HCRTR1: variants seen among roughly 807,000 people sequenced by gnomAD.
HCRTR1 encodes orexin/Hypocretin receptor type 1.
A neutral mutation model predicts 40.6 loss-of-function variants in HCRTR1; 28 were observed. The observed-to-expected ratio is 0.69, with a 90% confidence interval of 0.51 to 0.95. The LOEUF (loss-of-function observed/expected upper bound fraction) is 0.95, where lower values mean the gene tolerates loss of function less well. Ranked by LOEUF, HCRTR1 falls within the 40% of genes least tolerant of loss-of-function variation. The pLI is 0.00. For synonymous variants in HCRTR1, 209 were observed against 230.0 expected (o/e 0.91, Z 0.83); for missense variants, 482 against 564.7 (o/e 0.85, Z 1.48).
rs1397750265 is a variant in HCRTR1, at chr1:31,625,633, G to T, written c.1087+515G>T. Among the ~76,000 whole-genome samples the T allele has an allele frequency of 3.9e-5, 6 of 152,108 alleles. No homozygotes were observed. Among genetic ancestry groups the T allele is most frequent in the African/African-American group, 7.2e-5 (3 of 41,404 alleles). On this transcript the variant is annotated intron_variant, in intron 8 of 8. Transcript: ENST00000403528. The surrounding 1 kb of genome is among the most constrained non-coding windows in gnomAD (Gnocchi z 4.2). Reference sequence around the variant, plus strand: ...ACTGGCAGAGTGACCGGAATCTCAGGGGTTGTCCCCTCTGGAAGTCTTCCT... The same window carrying T: ...ACTGGCAGAGTGACCGGAATCTCAGTGGTTGTCCCCTCTGGAAGTCTTCCT...
At chr1:31,632,693 G>A (rs1640143566), downstream of HCRTR1, 2 of 1,585,450 alleles carry the variant, frequency 1.3e-6, no homozygotes, top group South Asian at 1.1e-5. Flanking sequence ...AAGGCCAAGG[G>A]TCCCCCTCAG....
downstream of HCRTR1, chr1:31,630,727 G>T (rs1256547111): frequency 1.2e-6 from 2 of 1,614,014 alleles, no homozygotes; most frequent in Non-Finnish European, 1.7e-6. Flanking sequence ...GCAGCTGGGT[G>T]CACACCTGGA....
At chr1:31,621,879 AAT>A (rs1639865149) in intron 6 of HCRTR1, among the ~76,000 whole-genome samples, 1 of 152,164 alleles carries the variant, frequency 6.6e-6, no homozygotes, top group Admixed American at 6.5e-5. Flanking sequence ...ACCCACATTA[AAT>A]ATATGAGAAA....
Position 31,624,448 on chromosome 1 carries a change from C to CAAAAAAAAAA in HCRTR1, c.966-535_966-526dup, listed in dbSNP as rs11438872. ...TCCAGCCTGGGTGACACAGCTGTCT[C>CAAAAAAAAAA]AAAAAAAAAAAAAAAAAAAAAAAGC... On this transcript the variant is annotated intron_variant, in intron 7 of 8. Coordinates refer to ENST00000403528, the MANE Select transcript of HCRTR1 (RefSeq NM_001525.3). Among the ~76,000 whole-genome samples the CAAAAAAAAAA allele has an allele frequency of 9.1e-4, 101 of 110,968 alleles. 1 individual carries two copies. Among genetic ancestry groups the CAAAAAAAAAA allele is most frequent in the African/African-American group, 1.7e-3 (34 of 20,042 alleles). 72.8% of individuals were successfully genotyped at this position (110,968 alleles called of 152,430 possible). A position where few individuals can be genotyped will look rare whatever the true frequency, so the allele number is the denominator to read the frequency against.
chr1:31,629,503 A>G (rs1640037660), downstream of HCRTR1, among the ~76,000 whole-genome samples: 1 of 152,194 alleles, frequency 6.6e-6, no homozygotes, highest in African/African-American at 2.4e-5. Context: ...AAGTGGGGAG[A>G]ACGTTATGAC....
At chr1:31,622,648 C>A (rs373642555) in intron 6 of HCRTR1, among the ~76,000 whole-genome samples, 1 of 152,182 alleles carries the variant, frequency 6.6e-6, no homozygotes, top group Non-Finnish European at 1.5e-5. Context: ...GCTCTAGACC[C>A]GCGTTTCCAG....
chr1:31,621,765 G>A (rs763058709), intron 6 of HCRTR1, among the ~76,000 whole-genome samples, 173 bp downstream of exon 6: 3 of 152,214 alleles, frequency 2.0e-5, no homozygotes, highest in Non-Finnish European at 4.4e-5. Flanking sequence ...AAGCACCAGT[G>A]GCTACCCTGG....
rs775229775 is a variant in HCRTR1, at chr1:31,623,512, G to T, written c.739-11G>T. ...GTACCCACCACTGCTGTCTCTATGTGTGCTGGACAGATCCCCGGCACCACC... is the reference window on the plus strand; with the variant it reads ...GTACCCACCACTGCTGTCTCTATGTTTGCTGGACAGATCCCCGGCACCACC... On this transcript the variant is annotated splice_polypyrimidine_tract_variant and intron_variant, in intron 6 of 8. Coordinates refer to ENST00000403528, the MANE Select transcript of HCRTR1 (RefSeq NM_001525.3). 1.1e-5 allele frequency: 18 copies of T among 1,608,624 alleles called. No individual in the cohort carries two copies. Among genetic ancestry groups the T allele is most frequent in the Non-Finnish European group, 1.4e-5 (17 of 1,177,626 alleles).
At chr1:31,632,716 C>T, downstream of HCRTR1, 1 of 1,510,706 alleles carries the variant, frequency 6.6e-7, no homozygotes, top group Non-Finnish European at 9.0e-7. Flanking sequence ...CCCATTGAGG[C>T]AGCCCTTCTC....
chr1:31,626,691 T>C lies in HCRTR1; in HGVS notation c.1088-99T>C, dbSNP rs983010986. On this transcript the variant is annotated intron_variant, in intron 8 of 8. Transcript: ENST00000403528. This position sits in a 1 kb window ranked among gnomAD's most constrained non-coding sequence, Gnocchi z 4.6. ...CCCTCCCTCCCTCCCCGCCCCCTCA[T>C]AGGCAGCTTGGCTGGAGCTGCGTGG... 2.4e-4 allele frequency: 103 copies of C among 434,498 alleles called. No individual in the cohort carries two copies. Among genetic ancestry groups the C allele is most frequent in the Non-Finnish European group, 4.2e-4 (94 of 222,244 alleles). The allele number at this position is 434,498 out of a possible 1,614,324, so 26.9% of individuals were successfully genotyped here.
rs1452763267 is a variant in HCRTR1, at chr1:31,626,167, G to C, written c.1088-623G>C. Among the ~76,000 whole-genome samples, 1 of 152,198 alleles carries C rather than the reference G, an allele frequency of 6.6e-6. No individual in the cohort carries two copies. The highest frequency in any genetic ancestry group is 6.5e-5 in the Admixed American group (1 of 15,284). ...CAAAATCTGTTTCCCTGGTATACTTGGGCTGAATAATGTGGTGTGGTGGTC... is the reference window on the plus strand; with the variant it reads ...CAAAATCTGTTTCCCTGGTATACTTCGGCTGAATAATGTGGTGTGGTGGTC... On this transcript the variant is annotated intron_variant, in intron 8 of 8. Transcript: ENST00000403528. The surrounding 1 kb of genome is among the most constrained non-coding windows in gnomAD (Gnocchi z 4.6).
At position 31,625,233 on chromosome 1, in the gene HCRTR1, G is replaced by A. The variant is rs1050566628; in HGVS notation, c.1087+115G>A. On this transcript the variant is annotated intron_variant, in intron 8 of 8. Transcript: ENST00000403528. The surrounding 1 kb of genome is among the most constrained non-coding windows in gnomAD (Gnocchi z 4.2). ...GATGGTGGGTGAGGATGTACCTGCT[G>A]TGGGCACAGTGATCCTGCTCTGGGA... 2.4e-6 allele frequency: 3 copies of A among 1,256,292 alleles called. No individual in the cohort carries two copies. The highest frequency in any genetic ancestry group is 2.8e-5 in the East Asian group (1 of 36,182). The allele number at this position is 1,256,292 out of a possible 1,614,324, so 77.8% of individuals were successfully genotyped here.
chr1:31,619,010 T>G (rs1639789500), intron 2 of HCRTR1, 41 bp from the exon 3 acceptor site: 1 of 598,094 alleles, frequency 1.7e-6, no homozygotes, highest in South Asian at 2.0e-5. Context: ...GTTTCCTTCC[T>G]TCTCTCTTTT....
chr1:31,618,422 C>T (rs544694621), intron 1 of HCRTR1, among the ~76,000 whole-genome samples: 3 of 152,296 alleles, frequency 2.0e-5, no homozygotes, highest in East Asian at 3.9e-4. Context: ...GCGCACCACC[C>T]CCACTGTGTG....
chr1:31,630,894 C>A (rs377479059), downstream of HCRTR1: 91 of 1,414,392 alleles, frequency 6.4e-5, no homozygotes, highest in South Asian at 5.0e-4. Flanking sequence ...CCATGAGCAC[C>A]TCCATCAATC....
chr1:31,627,469 C>G lies in HCRTR1; in HGVS notation c.*489C>G, dbSNP rs187920774. ...CAGCCTTTCTCCAGCGGGCCACGAG[C>G]ACAGCCCCACCCTAACCAGGTGCCA... On this transcript the variant is annotated 3_prime_UTR_variant, in exon 9 of 9. Coordinates refer to ENST00000403528, the MANE Select transcript of HCRTR1 (RefSeq NM_001525.3). 255 of 782,954 alleles carry G rather than the reference C, an allele frequency of 3.3e-4. No individual in the cohort carries two copies. The African/African-American group carries it at 4.0e-3, about 12-fold the overall frequency. 48.5% of individuals were successfully genotyped at this position (782,954 alleles called of 1,614,324 possible).
Position 31,627,020 on chromosome 1 carries a change from C to T in HCRTR1, c.*40C>T. Reference sequence around the variant, plus strand: ...GGAGGCTCCGGCTCGGGGGATCTGCCCCTACCCCTCATGGAAAGACAGCTG... The same window carrying T: ...GGAGGCTCCGGCTCGGGGGATCTGCTCCTACCCCTCATGGAAAGACAGCTG... On this transcript the variant is annotated 3_prime_UTR_variant, in exon 9 of 9. Transcript: ENST00000403528. 1 of 1,575,802 alleles carries T rather than the reference C, an allele frequency of 6.3e-7. No individual in the cohort carries two copies. The highest frequency in any genetic ancestry group is 8.6e-7 in the Non-Finnish European group (1 of 1,164,452).
Position 31,625,667 on chromosome 1 carries a change from AC to A in HCRTR1, c.1087+554del, listed in dbSNP as rs1639962093. The stretch of plus-strand genomic sequence containing the variant: ...CCTCTGGAAGTCTTCCTCCCCTGCC[AC>A]CCCCACTCCCACTCCAGGCCTCTCC... On this transcript the variant is annotated intron_variant, in intron 8 of 8. Transcript: ENST00000403528. The surrounding 1 kb of genome is among the most constrained non-coding windows in gnomAD (Gnocchi z 4.2). Among the ~76,000 whole-genome samples the A allele has an allele frequency of 6.6e-6, 1 of 150,630 alleles. No individual in the cohort carries two copies. Among genetic ancestry groups the A allele is most frequent in the African/African-American group, 2.4e-5 (1 of 40,870 alleles).
rs891031727 is a variant in HCRTR1, at chr1:31,625,464, C to T, written c.1087+346C>T. Among the ~76,000 whole-genome samples the T allele has an allele frequency of 2.6e-5, 4 of 152,214 alleles. No homozygotes were observed. Among genetic ancestry groups the T allele is most frequent in the African/African-American group, 7.2e-5 (3 of 41,460 alleles). On this transcript the variant is annotated intron_variant, in intron 8 of 8. Transcript: ENST00000403528. This position sits in a 1 kb window ranked among gnomAD's most constrained non-coding sequence, Gnocchi z 4.2. ...CTCAGGCAGAGGAGTCCATCCTCCC[C>T]GGAGGGAGTCAGACCTGTGGGAGGA...
Sources: allele counts gnomAD v4.1 joint callset (sites outside exome capture counted in the v4.1 genomes callset), GRCh38; gene constraint gnomAD v4.1.1; non-coding constraint Gnocchi (gnomAD v3.1); transcripts MANE v1.5; gene names NCBI Gene and HGNC (gene_info 2026-07-23, HGNC 2026-07-21).